PLPPR2: variants seen among roughly 807,000 people sequenced by gnomAD.
PLPPR2 encodes phospholipid phosphatase-related protein type 2.
PLPPR2 carries 11 observed loss-of-function variants against 40.3 expected under a neutral mutation model. The observed-to-expected ratio is 0.27, with a 90% CI of 0.17 to 0.45. The LOEUF is 0.45. Ranked by LOEUF, PLPPR2 falls within the 20% of genes least tolerant of loss-of-function variation. PLPPR2 has a pLI of 1.00. For synonymous variants in PLPPR2, 260 were observed against 290.8 expected (o/e 0.89, Z 1.08); for missense variants, 497 against 640.7 (o/e 0.78, Z 2.42).
chr19:11,356,118 G>A (rs550052235), intron 1 of PLPPR2, among the ~76,000 whole-genome samples: 5 of 151,994 alleles, frequency 3.3e-5, no homozygotes, highest in African/African-American at 9.7e-5. Context: ...GTGGTCGTGC[G>A]CTGTGCACCT....
chr19:11,362,574 T>G lies in PLPPR2; in HGVS notation c.725T>G (p.Leu242Arg), dbSNP rs1968079857. The change falls in exon 7 of 10, where the codon CTG (leucine) becomes CGG (arginine). Residue 242 changes from leucine (L) to arginine (R), a missense_variant. Leu to Arg is a moderately radical substitution (Grantham distance 102, BLOSUM62 -2). Coordinates refer to ENST00000688289, the MANE Select transcript of PLPPR2 (RefSeq NM_001393892.1). The surrounding 1 kb of genome is among the most constrained non-coding windows in gnomAD (Gnocchi z 5.3). ...CGCCTGGTCAAACCCTCGCTCTGCCTGGCCTTGCTGTGCCCGGCCTTCCTG... is the reference window on the plus strand; with the variant it reads ...CGCCTGGTCAAACCCTCGCTCTGCCGGGCCTTGCTGTGCCCGGCCTTCCTG... ...GSRLVKPSLC[L>R]ALLCPAFLVG... The G allele has an allele frequency of 6.2e-7, 1 of 1,612,942 alleles. No homozygotes were observed. The highest frequency in any genetic ancestry group is 8.5e-7 in the Non-Finnish European group (1 of 1,180,004).
intron 5 of PLPPR2, 139 bp downstream of exon 5, chr19:11,360,095 G>A (rs1968003115): frequency 1.7e-6 from 2 of 1,198,736 alleles, no homozygotes; most frequent in South Asian, 3.9e-5. Flanking sequence ...CACTGTGGGA[G>A]GCCAAGTGGG....
chr19:11,360,006 G>A (rs1390660364), intron 5 of PLPPR2, 50 bp downstream of exon 5: 5 of 1,538,436 alleles, frequency 3.3e-6, no homozygotes, highest in African/African-American at 1.4e-5. Flanking sequence ...GGGGAGGTGG[G>A]TATAGAAGAA....
chr19:11,361,478 C>T lies in PLPPR2; in HGVS notation c.653C>T (p.Thr218Ile), dbSNP rs767331919. ...KDAALCAYAV[T>I]YTAMYVTLVF... is the part of the protein sequence containing the mutation. ...GCGGCCCTCTGCGCCTACGCGGTCA[C>T]CTACACAGCGGTGAGCTTCGGGAGC... Residue 218 changes from threonine to isoleucine, a missense_variant, in exon 6 of 10, where the codon ACC becomes ATC. Thr to Ile is a moderately conservative substitution (Grantham distance 89). Coordinates refer to ENST00000688289, the MANE Select transcript of PLPPR2 (RefSeq NM_001393892.1). The surrounding 1 kb of genome is among the most constrained non-coding windows in gnomAD (Gnocchi z 6.3). 1.9e-6 allele frequency: 3 copies of T among 1,598,970 alleles called. No homozygotes were observed. The highest frequency in any genetic ancestry group is 1.7e-5 in the Admixed American group (1 of 59,718).
chr19:11,359,949 C>A lies in PLPPR2; in HGVS notation c.384C>A (p.Arg128=). The A allele has an allele frequency of 6.2e-7, 1 of 1,604,298 alleles. No homozygotes were observed. The highest frequency in any genetic ancestry group is 8.5e-7 in the Non-Finnish European group (1 of 1,174,660). Residue 128 remains arginine, a synonymous_variant, in exon 5 of 10, where the codon CGC becomes CGA. Transcript: ENST00000688289. The surrounding 1 kb of genome is among the most constrained non-coding windows in gnomAD (Gnocchi z 5.6). Reference sequence around the variant, plus strand: ...GCCCCCCAGTGCGGAGGCTGGTCCGCTTCCTGGGTGAGAGACATGGCCTGG... The same window carrying A: ...GCCCCCCAGTGCGGAGGCTGGTCCGATTCCTGGGTGAGAGACATGGCCTGG... ...RFSPPVRRLV[R]FLGVYSFGLF...
In PLPPR2 at chr19:11,359,937, G is replaced by T; in HGVS notation, c.372G>T (p.Arg124=). The T allele has an allele frequency of 6.2e-7, 1 of 1,609,510 alleles. No individual in the cohort carries two copies. Among genetic ancestry groups the T allele is most frequent in the South Asian group, 1.1e-5 (1 of 90,894 alleles). ...GCTGCCGCTTCAGCCCCCCAGTGCG[G>T]AGGCTGGTCCGCTTCCTGGGTGAGA... ...GACCRFSPPV[R]RLVRFLGVYS... Residue 124 remains arginine (R), a synonymous_variant, in exon 5 of 10, where the codon CGG becomes CGT. Transcript: ENST00000688289. The surrounding 1 kb of genome is among the most constrained non-coding windows in gnomAD (Gnocchi z 5.6).
rs142984492 is a variant in PLPPR2, at chr19:11,359,072, G to A, written c.67-460G>A. Among the ~76,000 whole-genome samples the A allele has an allele frequency of 6.8e-6, 1 of 147,112 alleles. No individual in the cohort carries two copies. The highest frequency in any genetic ancestry group is 2.2e-4 in the South Asian group (1 of 4,638). On this transcript the variant is annotated intron_variant, in intron 3 of 9. Transcript: ENST00000688289. The surrounding 1 kb of genome is among the most constrained non-coding windows in gnomAD (Gnocchi z 5.6). ...TTCCTTTCTTTTTTTTCTGAGACAGGGTCTCCCTCTGTCACCCAGGCTGGA... is the reference window on the plus strand; with the variant it reads ...TTCCTTTCTTTTTTTTCTGAGACAGAGTCTCCCTCTGTCACCCAGGCTGGA...
chr19:11,364,165 C>G lies in PLPPR2; in HGVS notation c.968C>G (p.Pro323Arg), dbSNP rs757099561. The change falls in exon 9 of 10, where the codon CCC (proline) becomes CGC (arginine). Residue 323 changes from proline (P) to arginine (R), a missense_variant. Transcript: ENST00000688289. The surrounding 1 kb of genome is among the most constrained non-coding windows in gnomAD (Gnocchi z 5.8). ...CCGTCTGTCTCTTTGTCTCAGGAAC[C>G]CGAGGTCTGCAGGCCGCATTCGACA... Reference protein sequence around the residue: ...PLEKLSVAQEPEVCRPHSTPA... With the variant: ...PLEKLSVAQEREVCRPHSTPA... The G allele has an allele frequency of 6.2e-7, 1 of 1,611,560 alleles. No individual in the cohort carries two copies. Among genetic ancestry groups the G allele is most frequent in the South Asian group, 1.1e-5 (1 of 90,808 alleles).
At position 11,357,668 on chromosome 19, in the gene PLPPR2, T is replaced by G; in HGVS notation, c.-6T>G. On this transcript the variant is annotated 5_prime_UTR_variant, in exon 3 of 10. Transcript: ENST00000688289. Reference sequence around the variant, plus strand: ...CCTCCCCACCTCTGCAGGCCTGGCCTTCACCATGGCGGGAGGGAGACCGCA... The same window carrying G: ...CCTCCCCACCTCTGCAGGCCTGGCCGTCACCATGGCGGGAGGGAGACCGCA... 1 of 1,604,686 alleles carries G rather than the reference T, an allele frequency of 6.2e-7. No homozygotes were observed.
At position 11,363,862 on chromosome 19, in the gene PLPPR2, G is replaced by T; in HGVS notation, c.963+27G>T. 1 of 1,605,962 alleles carries T rather than the reference G, an allele frequency of 6.2e-7. No homozygotes were observed. The highest frequency in any genetic ancestry group is 8.5e-7 in the Non-Finnish European group (1 of 1,175,372). On this transcript the variant is annotated intron_variant, in intron 8 of 9. Coordinates refer to ENST00000688289, the MANE Select transcript of PLPPR2 (RefSeq NM_001393892.1). This position sits in a 1 kb window ranked among gnomAD's most constrained non-coding sequence, Gnocchi z 4.8. The stretch of plus-strand genomic sequence containing the variant: ...TAAGGGGGGCCGGGGGCTGCTCCCG[G>T]CTGGAGAGGGTGGTGGGTGGAGGGG...
At position 11,359,985 on chromosome 19, in the gene PLPPR2, A is replaced by G. The variant is rs1314411225; in HGVS notation, c.391+29A>G. 6 of 1,571,016 alleles carry G rather than the reference A, an allele frequency of 3.8e-6. No homozygotes were observed. The highest frequency in any genetic ancestry group is 1.4e-5 in the African/African-American group (1 of 73,912). ...AGAGACATGGCCTGGGGTCAGCCCC[A>G]TGGTAATGGTGGGGAGGTGGGTATA... On this transcript the variant is annotated intron_variant, in intron 5 of 9. Transcript: ENST00000688289. This position sits in a 1 kb window ranked among gnomAD's most constrained non-coding sequence, Gnocchi z 5.6.
chr19:11,358,665 C>G (rs9797610), intron 3 of PLPPR2, among the ~76,000 whole-genome samples: 3 of 142,894 alleles, frequency 2.1e-5, no homozygotes, highest in South Asian at 4.4e-4. Context: ...TCCTCTCTCT[C>G]TGTTTTTTTT....
chr19:11,360,064 G>A lies in PLPPR2; in HGVS notation c.391+108G>A, dbSNP rs906555886. 3.4e-5 allele frequency: 48 copies of A among 1,402,678 alleles called. No individual in the cohort carries two copies. The African/African-American group carries it at 6.2e-4, about 18-fold the overall frequency. 86.9% of individuals were successfully genotyped at this position (1,402,678 alleles called of 1,614,324 possible). ...ATAATAATTCCAGGCTGGGTGTGGTGGCTCACGCCTGTAATCTCAGCACTG... is the reference window on the plus strand; with the variant it reads ...ATAATAATTCCAGGCTGGGTGTGGTAGCTCACGCCTGTAATCTCAGCACTG... On this transcript the variant is annotated intron_variant, in intron 5 of 9. Coordinates refer to ENST00000688289, the MANE Select transcript of PLPPR2 (RefSeq NM_001393892.1).
At position 11,364,232 on chromosome 19, in the gene PLPPR2, G is replaced by A; in HGVS notation, c.1015+20G>A. 1.9e-6 allele frequency: 3 copies of A among 1,603,780 alleles called. No homozygotes were observed. The highest frequency in any genetic ancestry group is 1.7e-6 in the Non-Finnish European group (2 of 1,173,628). On this transcript the variant is annotated intron_variant, in intron 9 of 9. Transcript: ENST00000688289. This position sits in a 1 kb window ranked among gnomAD's most constrained non-coding sequence, Gnocchi z 5.8. ...CATCCAGTGAGTGTTGGGGGAGTGG[G>A]GGGCTAAACAGGGGGACTTCCAGGT...
chr19:11,364,357 C>A lies in PLPPR2; in HGVS notation c.1026C>A (p.Asn342Lys). The change falls in exon 10 of 10, where the codon AAC (asparagine) becomes AAA (lysine). Residue 342 changes from asparagine to lysine, a missense_variant. By Grantham distance (94) the Asn-to-Lys change is moderately conservative. Coordinates refer to ENST00000688289, the MANE Select transcript of PLPPR2 (RefSeq NM_001393892.1). This position sits in a 1 kb window ranked among gnomAD's most constrained non-coding sequence, Gnocchi z 5.8. ...GCTTCTGACCACCAGAGTCGCAGAA[C>A]TGCGCCCGCCGTGGCCACCTGATCC... ...PARLTPSKSQNCARRGHLIPS... is the reference protein window; with the variant it reads ...PARLTPSKSQKCARRGHLIPS... 1 of 1,515,054 alleles carries A rather than the reference C, an allele frequency of 6.6e-7. No individual in the cohort carries two copies. The highest frequency in any genetic ancestry group is 8.8e-7 in the Non-Finnish European group (1 of 1,134,274). The allele number at this position is 1,515,054 out of a possible 1,614,324, so 93.9% of individuals were successfully genotyped here.
In PLPPR2 at chr19:11,364,715, G is replaced by A. The variant is rs759428461; in HGVS notation, c.*25G>A. Reference sequence around the variant, plus strand: ...AGGCCCGACCACCCACCCAGAATCTGCCCAGTCCCCACTTCTTCCCTGCCA... The same window carrying A: ...AGGCCCGACCACCCACCCAGAATCTACCCAGTCCCCACTTCTTCCCTGCCA... On this transcript the variant is annotated 3_prime_UTR_variant, in exon 10 of 10. Coordinates refer to ENST00000688289, the MANE Select transcript of PLPPR2 (RefSeq NM_001393892.1). This position sits in a 1 kb window ranked among gnomAD's most constrained non-coding sequence, Gnocchi z 5.8. The A allele has an allele frequency of 6.5e-7, 1 of 1,536,748 alleles. No homozygotes were observed.
chr19:11,359,375 G>A lies in PLPPR2; in HGVS notation c.67-157G>A. 1.7e-6 allele frequency: 1 copy of A among 599,458 alleles called. No individual in the cohort carries two copies. Among genetic ancestry groups the A allele is most frequent in the East Asian group, 3.3e-5 (1 of 30,650 alleles). The allele number at this position is 599,458 out of a possible 1,614,324, so 37.1% of individuals were successfully genotyped here. The stretch of plus-strand genomic sequence containing the variant: ...TCACCTCCTTTCCCCATTTCTCTCA[G>A]TCTCTCTCCCCCTTGTCTCTGTCTC... On this transcript the variant is annotated intron_variant, in intron 3 of 9. Transcript: ENST00000688289. This position sits in a 1 kb window ranked among gnomAD's most constrained non-coding sequence, Gnocchi z 5.6.
rs1292908367 is a variant in PLPPR2, at chr19:11,362,743, C to T, written c.840+54C>T. 2 of 1,565,872 alleles carry T rather than the reference C, an allele frequency of 1.3e-6. No homozygotes were observed. The highest frequency in any genetic ancestry group is 2.3e-5 in the East Asian group (1 of 44,386). On this transcript the variant is annotated intron_variant, in intron 7 of 9. Transcript: ENST00000688289. This position sits in a 1 kb window ranked among gnomAD's most constrained non-coding sequence, Gnocchi z 5.3. Reference sequence around the variant, plus strand: ...TGGAAGACCCTCACCAGCTCTCTGACCCAAGAGGCAGGACCACATGATGGA... The same window carrying T: ...TGGAAGACCCTCACCAGCTCTCTGATCCAAGAGGCAGGACCACATGATGGA...
At chr19:11,360,937 G>A (rs192531509) in intron 5 of PLPPR2, among the ~76,000 whole-genome samples, 5 of 152,100 alleles carry the variant, frequency 3.3e-5, no homozygotes, top group East Asian at 1.9e-4. Flanking sequence ...GTGTTGGGGC[G>A]GGGGTCCAAG....
Sources: allele counts gnomAD v4.1 joint callset (sites outside exome capture counted in the v4.1 genomes callset), GRCh38; gene constraint gnomAD v4.1.1; non-coding constraint Gnocchi (gnomAD v3.1); transcripts MANE v1.5; gene names NCBI Gene and HGNC (gene_info 2026-07-23, HGNC 2026-07-21).